The following UGT2A1 variants were observed in gnomAD, a reference collection of about 807,000 sequenced individuals.
UGT2A1 encodes the protein UDP glucuronosyltransferase family 2 member A1 complex locus, also known as UDP-glucuronosyltransferase 2A1.
In UGT2A1, 61 loss-of-function variants were observed where a neutral mutation model predicts 45.4. The observed-to-expected ratio is 1.34, with a 90% CI of 1.09 to 1.66. The LOEUF is 1.66. Among genes scored for constraint, UGT2A1 ranks in the 40% most tolerant of loss-of-function variants. The pLI is 0.00. For missense variants in UGT2A1, 649 were observed against 574.3 expected, an observed-to-expected ratio of 1.13 and a Z score of -1.33; for synonymous variants, 229 against 196.2, an observed-to-expected ratio of 1.17 and a Z score of -1.40.
chr4:69,601,364 G>A (rs149589856), intron 3 of UGT2A1, among the ~76,000 whole-genome samples: 364 of 152,136 alleles, frequency 2.4e-3, no homozygotes, highest in African/African-American at 8.2e-3. Context: ...AGAGAATTTG[G>A]GGAGCTCCAT....
At chr4:69,610,248 A>AG (rs1356076212) in intron 3 of UGT2A1, among the ~76,000 whole-genome samples, 1 of 151,464 alleles carries the variant, frequency 6.6e-6, no homozygotes, top group African/African-American at 2.4e-5. Flanking sequence ...TGCCATTACA[A>AG]AAAAAAAGTT....
chr4:69,630,444 T>A (rs988142018), intron 3 of UGT2A1, among the ~76,000 whole-genome samples: 8 of 152,092 alleles, frequency 5.3e-5, no homozygotes, highest in African/African-American at 1.7e-4. Flanking sequence ...CAAGCCATAG[T>A]TTTTATCAAC....
At chr4:69,639,726 G>A in intron 2 of UGT2A1, 1 of 1,306,524 alleles carries the variant, frequency 7.7e-7, no homozygotes. Flanking sequence ...TAGTGCGATG[G>A]TTACACTCAG....
At chr4:69,643,725 G>A (rs903032206) in intron 2 of UGT2A1, among the ~76,000 whole-genome samples, 1 of 151,588 alleles carries the variant, frequency 6.6e-6, no homozygotes, top group Non-Finnish European at 1.5e-5. Context: ...GCATTCCACT[G>A]CAGAGAAGTA....
intron 3 of UGT2A1, among the ~76,000 whole-genome samples, chr4:69,608,588 A>G (rs1231245680): frequency 2.0e-5 from 3 of 152,040 alleles, no homozygotes; most frequent in African/African-American, 7.2e-5. Context: ...AAAAAAGAAA[A>G]TAGGTAGGCT....
Position 69,635,679 on chromosome 4 carries a change from A to G in UGT2A1, c.847+12T>C. 2 of 272,808 alleles carry G rather than the reference A, an allele frequency of 7.3e-6. No individual in the cohort carries two copies. Among genetic ancestry groups the G allele is most frequent in the Non-Finnish European group, 1.5e-5 (2 of 136,172 alleles). The allele number at this position is 272,808 out of a possible 1,614,324, so 16.9% of individuals were successfully genotyped here. On this transcript the variant is annotated intron_variant, in intron 3 of 6. Transcript: ENST00000286604. ...ACCTCGTCTCTATTAAAAATACAAAAATTAGCCTGACCTGCTGGCAGCCTG... is the reference window on the plus strand; with the variant it reads ...ACCTCGTCTCTATTAAAAATACAAAGATTAGCCTGACCTGCTGGCAGCCTG...
intron 6 of UGT2A1, 40 bp from the exon 7 acceptor site, chr4:69,589,691 G>T (rs375760530): frequency 1.3e-6 from 2 of 1,559,868 alleles, no homozygotes; most frequent in East Asian, 4.5e-5. Flanking sequence ...GACAATTTTT[G>T]TTTTTATTTT....
At chr4:69,641,077 AG>A (rs1402275380) in intron 2 of UGT2A1, among the ~76,000 whole-genome samples, 6 of 151,914 alleles carry the variant, frequency 3.9e-5, no homozygotes, top group Admixed American at 3.9e-4. Flanking sequence ...ATAATTAATT[AG>A]GGATTACTCA....
intron 3 of UGT2A1, among the ~76,000 whole-genome samples, chr4:69,620,065 A>G (rs1440711254): frequency 1.3e-5 from 2 of 152,084 alleles, no homozygotes; most frequent in African/African-American, 4.8e-5. Context: ...TTTTCCTTAT[A>G]AACTGGCAAA....
rs773315639 is a variant in UGT2A1 at position 69,647,438 on chromosome 4, C to T, written c.207G>A (p.Leu69=). Residue 69 remains leucine, a synonymous_variant, in exon 2 of 7, where the codon CTG becomes CTA. Transcript: ENST00000286604. Reference sequence around the variant, plus strand: ...AGGGCACCTTATATATTTCAAATGTCAGAGATGGGTTAGAGGTTGGTGTGA... The same window carrying T: ...AGGGCACCTTATATATTTCAAATGTTAGAGATGGGTTAGAGGTTGGTGTGA... ...LFITPTSNPS[L]TFEIYKVPFG... The T allele has an allele frequency of 1.1e-5, 18 of 1,612,766 alleles. No homozygotes were observed. Among genetic ancestry groups the T allele is most frequent in the Non-Finnish European group, 1.4e-5 (17 of 1,179,314 alleles).
intron 3 of UGT2A1, among the ~76,000 whole-genome samples, chr4:69,614,999 A>G (rs141507134): frequency 6.6e-5 from 10 of 152,070 alleles, no homozygotes; most frequent in Non-Finnish European, 1.2e-4. Flanking sequence ...AAATTGCTAC[A>G]CACTTTTAAA....
In UGT2A1 at chr4:69,647,158, G is replaced by C; in HGVS notation, c.487C>G (p.Leu163Val). The C allele has an allele frequency of 6.2e-7, 1 of 1,613,082 alleles. No individual in the cohort carries two copies. The highest frequency in any genetic ancestry group is 8.5e-7 in the Non-Finnish European group (1 of 1,179,414). ...FPCGDIVALK[L>V]GIPFMYSLRF... Reference sequence around the variant, plus strand: ...AAGGAGTACATAAATGGAATTCCAAGTTTTAAAGCTACTATATCGCCACAA... The same window carrying C: ...AAGGAGTACATAAATGGAATTCCAACTTTTAAAGCTACTATATCGCCACAA... The change falls in exon 2 of 7, where the codon CTT (leucine) becomes GTT (valine). Residue 163 changes from leucine (L) to valine (V), a missense_variant. Physicochemically the swap from Leu to Val is conservative, Grantham distance 32. Coordinates refer to ENST00000286604, the MANE Select transcript of UGT2A1 (RefSeq NM_001252275.3).
chr4:69,608,053 A>G (rs371278479), intron 3 of UGT2A1, among the ~76,000 whole-genome samples: 1 of 152,340 alleles, frequency 6.6e-6, no homozygotes, highest in East Asian at 1.9e-4. Context: ...CATTTGATCC[A>G]GCCATCCCAT....
intron 3 of UGT2A1, among the ~76,000 whole-genome samples, chr4:69,615,465 A>T (rs889285993): frequency 6.6e-6 from 1 of 152,070 alleles, no homozygotes; most frequent in African/African-American, 2.4e-5. Context: ...AATATTTTCC[A>T]TGTACCCATC....
chr4:69,645,927 C>T (rs1440032602), intron 2 of UGT2A1, among the ~76,000 whole-genome samples: 1 of 151,736 alleles, frequency 6.6e-6, no homozygotes. Context: ...TTTCCTTCCC[C>T]ATTCTTACCT....
chr4:69,611,813 A>G (rs1720077590), intron 3 of UGT2A1, among the ~76,000 whole-genome samples: 1 of 152,162 alleles, frequency 6.6e-6, no homozygotes, highest in African/African-American at 2.4e-5. Flanking sequence ...GAAGATACAC[A>G]GTATGTTTTA....
In UGT2A1 at chr4:69,599,414, T is replaced by A; in HGVS notation, c.848-20A>T. 6.2e-7 allele frequency: 1 copy of A among 1,610,206 alleles called. No homozygotes were observed. The highest frequency in any genetic ancestry group is 8.5e-7 in the Non-Finnish European group (1 of 1,179,084). On this transcript the variant is annotated intron_variant, in intron 3 of 6. Transcript: ENST00000286604. ...GTCTTCCTGGAGAAAATGTAACAAG[T>A]TGGATGGAGGAAATTAGCTTATATG...
At chr4:69,597,437 A>C (rs745360550) in intron 4 of UGT2A1, among the ~76,000 whole-genome samples, 1 of 152,190 alleles carries the variant, frequency 6.6e-6, no homozygotes, top group Non-Finnish European at 1.5e-5. Context: ...TTGACACTGC[A>C]AAATCTGAGA....
intron 3 of UGT2A1, among the ~76,000 whole-genome samples, chr4:69,618,212 TG>T (rs1560481794): frequency 3.3e-4 from 35 of 105,160 alleles, no homozygotes; most frequent in East Asian, 3.4e-4. Context: ...TGTGTGTGTG[TG>T]TGTATGTTTG....
Sources: gnomAD v4.1 joint callset for allele counts (sites outside exome capture counted in the v4.1 genomes callset) on GRCh38, gnomAD v4.1.1 for gene constraint, MANE v1.5 for transcripts, NCBI Gene and HGNC (gene_info 2026-07-23, HGNC 2026-07-21) for gene names.